The following TRPM7 variants were observed in gnomAD, a reference collection of about 807,000 sequenced individuals.
The protein encoded by TRPM7 is transient receptor potential cation channel subfamily M member 7.
A neutral mutation model predicts 229.7 loss-of-function variants in TRPM7; 134 were observed. The ratio of observed to expected loss-of-function variants is 0.58; its 90% CI spans 0.51 to 0.67. TRPM7 has a LOEUF of 0.67. TRPM7 is among the 30% of genes least tolerant of loss of function. The pLI, the probability that TRPM7 is intolerant of heterozygous loss-of-function variation, is 0.00. For missense variants in TRPM7, 1,901 were observed against 2,210.0 expected (o/e 0.86, Z 2.80); for synonymous variants, 699 against 715.2 (o/e 0.98, Z 0.36).
chr15:50,599,102 T>C lies in TRPM7; in HGVS notation c.3163+20A>G, dbSNP rs2059708570. ...ACACAAAATAACCAAAAGATAAATC[T>C]GTAAATATACAATTCTTACCATCAA... On this transcript the variant is annotated intron_variant, in intron 22 of 38. Transcript: ENST00000646667. 1 of 1,533,262 alleles carries C rather than the reference T, an allele frequency of 6.5e-7. No homozygotes were observed. The highest frequency in any genetic ancestry group is 2.0e-5 in the Admixed American group (1 of 50,892). The allele number at this position is 1,533,262 out of a possible 1,614,324, so 95.0% of individuals were successfully genotyped here.
chr15:50,593,752 A>G lies in TRPM7; in HGVS notation c.3476-3T>C, dbSNP rs746776083. 3 of 1,601,412 alleles carry G rather than the reference A, an allele frequency of 1.9e-6. No homozygotes were observed. Among genetic ancestry groups the G allele is most frequent in the Non-Finnish European group, 2.5e-6 (3 of 1,176,806 alleles). ...ATCTTCTTCTGTTAAGAAAAGTTCTATGGGAGGAAAAGGAGAAGAAAATCA... is the reference window on the plus strand; with the variant it reads ...ATCTTCTTCTGTTAAGAAAAGTTCTGTGGGAGGAAAAGGAGAAGAAAATCA... On this transcript the variant is annotated splice_polypyrimidine_tract_variant and splice_region_variant and intron_variant, in intron 24 of 38. Coordinates refer to ENST00000646667, the MANE Select transcript of TRPM7 (RefSeq NM_017672.6).
rs1395413504 is a variant in TRPM7 at position 50,611,204 on chromosome 15, C to G, written c.2169G>C (p.Lys723Asn). Reference sequence around the variant, plus strand: ...GTCTAAGTCTTGAAGAAACTGCTAACTTAAGGCAGGTTGAATTACTCCAGT... The same window carrying G: ...GTCTAAGTCTTGAAGAAACTGCTAAGTTAAGGCAGGTTGAATTACTCCAGT... ...LKNWSNSTCL[K>N]LAVSSRLRPF... Residue 723 changes from lysine (K) to asparagine (N), a missense_variant, in exon 17 of 39, where the codon AAG becomes AAC. Around this residue, in one of 8 missense-constraint regions of TRPM7, gnomAD observed 794 missense variants for 881.9 expected, o/e 0.90. Transcript: ENST00000646667. 6.2e-7 allele frequency: 1 copy of G among 1,613,846 alleles called. No individual in the cohort carries two copies. The highest frequency in any genetic ancestry group is 8.5e-7 in the Non-Finnish European group (1 of 1,179,948).
intron 36 of TRPM7, among the ~76,000 whole-genome samples, chr15:50,572,468 C>A (rs1023436777): frequency 1.3e-5 from 2 of 152,168 alleles, no homozygotes; most frequent in African/African-American, 4.8e-5. Context: ...AAGGTATGTA[C>A]ACTGTTCTTC....
chr15:50,583,039 A>C, intron 29 of TRPM7, 50 bp downstream of exon 29: 2 of 1,301,072 alleles, frequency 1.5e-6, no homozygotes, highest in East Asian at 2.6e-5. Flanking sequence ...TTATCTAAAA[A>C]AGTTTAATGT....
At chr15:50,615,839 T>A (rs2060207750) in intron 13 of TRPM7, among the ~76,000 whole-genome samples, 1 of 152,152 alleles carries the variant, frequency 6.6e-6, no homozygotes, top group South Asian at 2.1e-4. Context: ...GAAGTTGCAG[T>A]GAGCCAAGTT....
chr15:50,659,854 G>A (rs928334107), intron 2 of TRPM7, among the ~76,000 whole-genome samples: 1 of 151,994 alleles, frequency 6.6e-6, no homozygotes, highest in African/African-American at 2.4e-5. Context: ...TTTTAGTAGA[G>A]ACGCGGTTTC....
At position 50,592,576 on chromosome 15, in the gene TRPM7, T is replaced by C. The variant is rs750994020; in HGVS notation, c.3659A>G (p.Tyr1220Cys). Residue 1220 changes from tyrosine (Y) to cysteine (C), a missense_variant, in exon 26 of 39, where the codon TAC (tyrosine) becomes TGC (cysteine). Tyr to Cys is a radical substitution (Grantham distance 194). Coordinates refer to ENST00000646667, the MANE Select transcript of TRPM7 (RefSeq NM_017672.6). ...QIKEVGDRVN[Y>C]IKRSLQSLDS... is the part of the protein sequence containing the mutation. ...TAATGATTGTAATGATCTTTTTATG[T>C]AGTTGACACGATCTCCAACTTCTTT... 1.9e-6 allele frequency: 3 copies of C among 1,607,342 alleles called. No homozygotes were observed. The highest frequency in any genetic ancestry group is 2.2e-5 in the East Asian group (1 of 44,854).
At position 50,593,712 on chromosome 15, in the gene TRPM7, A is replaced by G. The variant is rs976546154; in HGVS notation, c.3513T>C (p.His1171=). ...FLTEEDQKKL[H]DFEEQCVEMY... ...TTTCAACACACTGCTCTTCAAAATC[A>G]TGAAGTTTCTTTTGATCTTCTTCTG... The change falls in exon 25 of 39, where the codon CAT becomes CAC. Residue 1171 remains histidine (H), a synonymous_variant. Transcript: ENST00000646667. 3 of 1,610,874 alleles carry G rather than the reference A, an allele frequency of 1.9e-6. No homozygotes were observed. The highest frequency in any genetic ancestry group is 1.3e-5 in the African/African-American group (1 of 74,990).
chr15:50,668,167 T>C (rs777720239), intron 1 of TRPM7, among the ~76,000 whole-genome samples: 37 of 152,192 alleles, frequency 2.4e-4, no homozygotes, highest in Non-Finnish European at 3.8e-4. Flanking sequence ...CAGGTGCTCT[T>C]AAATGCAGGT....
intron 20 of TRPM7, 61 bp downstream of exon 20, chr15:50,607,139 C>G: frequency 6.6e-7 from 1 of 1,515,048 alleles, no homozygotes; most frequent in South Asian, 1.3e-5. Flanking sequence ...CAAAACAAAA[C>G]AAAACAGAAA....
intron 5 of TRPM7, among the ~76,000 whole-genome samples, chr15:50,640,044 T>C (rs956547282): frequency 2.0e-5 from 3 of 152,152 alleles, no homozygotes; most frequent in African/African-American, 7.2e-5. Flanking sequence ...TAACACTAAA[T>C]TTTACCATGT....
At position 50,559,458 on chromosome 15, in the gene TRPM7, G is replaced by C. The variant is rs781189703; in HGVS notation, c.*2220C>G. The C allele has an allele frequency of 4.6e-5, 7 of 151,714 alleles. No homozygotes were observed. Among genetic ancestry groups the C allele is most frequent in the Non-Finnish European group, 1.0e-4 (7 of 68,140 alleles). 9.4% of individuals were successfully genotyped at this position (151,714 alleles called of 1,614,324 possible). A position where few individuals can be genotyped will look rare whatever the true frequency, so the allele number is the denominator to read the frequency against. On this transcript the variant is annotated 3_prime_UTR_variant, in exon 39 of 39. Transcript: ENST00000646667. ...TCCACCTGCCTTGGCCTCCCGAAGT[G>C]CTGGGATTACAGGCATGAGCCACCA...
chr15:50,669,774 G>C (rs2061950713), intron 1 of TRPM7, among the ~76,000 whole-genome samples: 1 of 151,502 alleles, frequency 6.6e-6, no homozygotes, highest in African/African-American at 2.4e-5. Context: ...ATCTCTGACT[G>C]AAGTCCAGGA....
Position 50,655,504 on chromosome 15 carries a change from C to T in TRPM7, c.122+2277G>A, listed in dbSNP as rs140044613. ...AAAAATTTGAACGTGCAAATATTTA[C>T]GCAAGCAGAATAAGTACAAAGAGAA... On this transcript the variant is annotated intron_variant, in intron 3 of 38. Coordinates refer to ENST00000646667, the MANE Select transcript of TRPM7 (RefSeq NM_017672.6). 1.8e-3 allele frequency among the ~76,000 whole-genome samples: 267 copies of T among 148,054 alleles called. 1 individual carries two copies. Among genetic ancestry groups the T allele is most frequent in the Admixed American group, 0.017 (246 of 14,694 alleles).
intron 9 of TRPM7, 92 bp downstream of exon 9, chr15:50,632,776 TA>T: frequency 8.1e-7 from 1 of 1,236,212 alleles, no homozygotes; most frequent in Non-Finnish European, 1.1e-6. Context: ...AAAATCCAAA[TA>T]AAAACAAAAG....
chr15:50,637,110 A>G (rs1320629392), intron 7 of TRPM7, among the ~76,000 whole-genome samples: 1 of 149,726 alleles, frequency 6.7e-6, no homozygotes, highest in Non-Finnish European at 1.5e-5. Flanking sequence ...TGGGTGACAG[A>G]GCGAGACTCC....
chr15:50,686,117 C>A (rs528144854), intron 1 of TRPM7, among the ~76,000 whole-genome samples: 2 of 152,218 alleles, frequency 1.3e-5, no homozygotes, highest in Non-Finnish European at 2.9e-5. Context: ...TTGAGCAGAG[C>A]ATTTGGTTCC....
At chr15:50,618,852 A>G (rs1437403362) in intron 13 of TRPM7, among the ~76,000 whole-genome samples, 1 of 152,092 alleles carries the variant, frequency 6.6e-6, no homozygotes, top group African/African-American at 2.4e-5. Flanking sequence ...TCTAGCTCCA[A>G]CTTGTAAGTG....
Position 50,619,675 on chromosome 15 carries a change from T to G in TRPM7, c.1494+70A>C, listed in dbSNP as rs1349264178. On this transcript the variant is annotated intron_variant, in intron 13 of 38. Coordinates refer to ENST00000646667, the MANE Select transcript of TRPM7 (RefSeq NM_017672.6). The stretch of plus-strand genomic sequence containing the variant: ...CTAAAATGTATTTAAATGATTTTTT[T>G]TTTAAAAAACATGAAATATAAATGA... The G allele has an allele frequency of 6.3e-6, 8 of 1,265,068 alleles. No individual in the cohort carries two copies. In the Admixed American group the frequency reaches 2.2e-4, roughly 35 times the overall value. The allele number at this position is 1,265,068 out of a possible 1,614,324, so 78.4% of individuals were successfully genotyped here.
Sources: allele counts gnomAD v4.1 joint callset (sites outside exome capture counted in the v4.1 genomes callset), GRCh38; gene constraint gnomAD v4.1.1; regional missense constraint gnomAD v4.1.1; transcripts MANE v1.5; gene names NCBI Gene and HGNC (gene_info 2026-07-23, HGNC 2026-07-21).